DYNC2H1: variants seen among roughly 807,000 people sequenced by gnomAD.
DYNC2H1 encodes the protein dynein cytoplasmic 2 heavy chain 1, also known as cytoplasmic dynein 2 heavy chain 1.
DYNC2H1 carries 410 observed loss-of-function variants against 570.0 expected under a neutral mutation model. That is an observed-to-expected ratio of 0.72 (90% CI 0.66 to 0.78). DYNC2H1 has a LOEUF of 0.78. Ranked by LOEUF, DYNC2H1 falls within the 30% of genes least tolerant of loss-of-function variation. The probability of loss-of-function intolerance (pLI) is 0.00; values close to 1 mark genes in which losing one functional copy is unlikely to be tolerated. For missense variants in DYNC2H1, 4,865 were observed against 5,046.4 expected, an observed-to-expected ratio of 0.96 and a Z score of 1.09; for synonymous variants, 1,688 against 1,677.6, an observed-to-expected ratio of 1.01 and a Z score of -0.15.
At chr11:103,361,970 A>T (rs1184258056) in intron 83 of DYNC2H1, among the ~76,000 whole-genome samples, 2 of 152,186 alleles carry the variant, frequency 1.3e-5, no homozygotes, top group Admixed American at 6.5e-5. Flanking sequence ...AGTAAAGTTT[A>T]GGTGGAATAA....
At chr11:103,318,205 A>C (rs11225710) in intron 80 of DYNC2H1, among the ~76,000 whole-genome samples, 7,832 of 152,228 alleles carry the variant, frequency 0.051, 258 homozygotes, top group Non-Finnish European at 0.075. Flanking sequence ...AATTTCCACA[A>C]ACTGAATTCC....
At chr11:103,191,050 T>C (rs1281563959) in intron 45 of DYNC2H1, among the ~76,000 whole-genome samples, 26 of 147,682 alleles carry the variant, frequency 1.8e-4, no homozygotes, top group Admixed American at 8.8e-4. Context: ...TTTCTTTTTT[T>C]TTTTTTTGAG....
chr11:103,335,456 G>GAGAA (rs1169066972), intron 82 of DYNC2H1, among the ~76,000 whole-genome samples: 1 of 143,962 alleles, frequency 6.9e-6, no homozygotes, highest in African/African-American at 2.5e-5. Context: ...AGGAATGAAG[G>GAGAA]AGAAAAATAG....
chr11:103,175,946 C>A (rs1230845151), intron 36 of DYNC2H1, among the ~76,000 whole-genome samples: 2 of 152,152 alleles, frequency 1.3e-5, no homozygotes, highest in East Asian at 3.9e-4. Context: ...AGGTGAAGTA[C>A]TATGCAAATA....
chr11:103,337,353 G>A (rs905656628), intron 82 of DYNC2H1, among the ~76,000 whole-genome samples: 2 of 152,154 alleles, frequency 1.3e-5, no homozygotes, highest in Admixed American at 1.3e-4. Context: ...ATTTCTGTGT[G>A]TGTGTCTTTA....
At chr11:103,231,493 G>T (rs557585070) in intron 60 of DYNC2H1, 147 bp downstream of exon 60, 45 of 449,576 alleles carry the variant, frequency 1.0e-4, no homozygotes, top group Non-Finnish European at 1.6e-4. Context: ...CTTTTTAAGG[G>T]TACATTATTA....
chr11:103,467,531 GTTTTGTTTTGTTTTGTTTT>G (rs1945230410), intron 87 of DYNC2H1, among the ~76,000 whole-genome samples: 1 of 151,136 alleles, frequency 6.6e-6, no homozygotes, highest in Admixed American at 6.6e-5. Context: ...GTTTTGTTTT[GTTTTGTTTTGTTTTGTTTT>G]GTTTTGAGGC....
At chr11:103,232,395 C>T (rs1299647236) in intron 60 of DYNC2H1, among the ~76,000 whole-genome samples, 1 of 151,776 alleles carries the variant, frequency 6.6e-6, no homozygotes, top group Non-Finnish European at 1.5e-5. Flanking sequence ...TGTCTAATTC[C>T]ATAAAGTTTC....
intron 84 of DYNC2H1, among the ~76,000 whole-genome samples, chr11:103,435,720 TAAGTTC>T (rs1162979576): frequency 1.3e-5 from 2 of 152,178 alleles, no homozygotes; most frequent in Admixed American, 1.3e-4. Context: ...TATGCCAGTT[TAAGTTC>T]ATCTTGTTAT....
intron 82 of DYNC2H1, among the ~76,000 whole-genome samples, chr11:103,327,643 A>C (rs12806980): frequency 3.9e-5 from 6 of 152,298 alleles, no homozygotes; most frequent in Admixed American, 3.3e-4. Context: ...TAGAGCAGAT[A>C]CAGCCTTAGA....
Position 103,113,995 on chromosome 11 carries a change from G to A in DYNC2H1, c.367-108G>A, listed in dbSNP as rs915506622. The A allele has an allele frequency of 8.2e-5, 102 of 1,246,388 alleles. 1 individual carries two copies. Among genetic ancestry groups the A allele is most frequent in the African/African-American group, 1.5e-5 (1 of 65,362 alleles). The allele number at this position is 1,246,388 out of a possible 1,614,324, so 77.2% of individuals were successfully genotyped here. The stretch of plus-strand genomic sequence containing the variant: ...TTTTTATTCTTCTTATGAAGTGGAG[G>A]TAGTGGCAGGCTTTAAGAAAAATGG... On this transcript the variant is annotated intron_variant, in intron 2 of 88. Coordinates refer to ENST00000375735, the MANE Select transcript of DYNC2H1 (RefSeq NM_001377.3).
intron 39 of DYNC2H1, among the ~76,000 whole-genome samples, chr11:103,180,478 G>A (rs143124962): frequency 6.6e-6 from 1 of 151,758 alleles, no homozygotes; most frequent in East Asian, 1.9e-4. Flanking sequence ...AAAATTGTTG[G>A]TGAATCAGGT....
In DYNC2H1 at chr11:103,155,400, C is replaced by A; in HGVS notation, c.3643C>A (p.Arg1215Ser). Residue 1215 changes from arginine (R) to serine (S), a missense_variant, in exon 25 of 89, where the codon CGT (arginine) becomes AGT (serine). By Grantham distance (110) the Arg-to-Ser change is moderately radical. Coordinates refer to ENST00000375735, the MANE Select transcript of DYNC2H1 (RefSeq NM_001377.3). ...TCCAGATCACTGGCTTGACCTTTTT[C>A]GTCTCCTTGGACTTCCTAGGGGGAC... ...LSPDHWLDLFRLLGLPRGTSL... is the reference protein window; with the variant it reads ...LSPDHWLDLFSLLGLPRGTSL... 6.2e-7 allele frequency: 1 copy of A among 1,609,756 alleles called. No individual in the cohort carries two copies. Among genetic ancestry groups the A allele is most frequent in the South Asian group, 1.1e-5 (1 of 90,526 alleles).
chr11:103,109,553 C>G lies in DYNC2H1; in HGVS notation c.-22C>G. 6.2e-7 allele frequency: 1 copy of G among 1,609,742 alleles called. No individual in the cohort carries two copies. The highest frequency in any genetic ancestry group is 1.1e-5 in the South Asian group (1 of 90,388). On this transcript the variant is annotated 5_prime_UTR_variant, in exon 1 of 89. Coordinates refer to ENST00000375735, the MANE Select transcript of DYNC2H1 (RefSeq NM_001377.3). ...TCTTCTTCCTTCCCCCTTCCCCCAA[C>G]TTCCCTCCACCCCTTCCAATCATGG... is the stretch of plus-strand genomic sequence containing the variant.
At chr11:103,376,832 C>T (rs1227634023) in intron 83 of DYNC2H1, among the ~76,000 whole-genome samples, 6 of 152,166 alleles carry the variant, frequency 3.9e-5, no homozygotes, top group Non-Finnish European at 8.8e-5. Flanking sequence ...CTAGTAGTGA[C>T]GAATTACCTC....
At chr11:103,434,388 A>G (rs1331321953) in intron 84 of DYNC2H1, among the ~76,000 whole-genome samples, 3 of 147,876 alleles carry the variant, frequency 2.0e-5, no homozygotes, top group Non-Finnish European at 3.0e-5. Context: ...TTGAAGCCCT[A>G]TTGTTTAACA....
intron 40 of DYNC2H1, among the ~76,000 whole-genome samples, chr11:103,183,038 T>TA (rs1182556142): frequency 6.6e-6 from 1 of 151,900 alleles, no homozygotes; most frequent in Non-Finnish European, 1.5e-5. Flanking sequence ...TGTAGCAACA[T>TA]ACAGCATCTA....
intron 20 of DYNC2H1, among the ~76,000 whole-genome samples, chr11:103,150,680 A>G (rs1473691758): frequency 6.6e-6 from 1 of 152,182 alleles, no homozygotes; most frequent in Non-Finnish European, 1.5e-5. Context: ...ATTGGCTTAG[A>G]CCAACTGGTA....
chr11:103,149,807 TTGAG>T (rs961462651), intron 20 of DYNC2H1, among the ~76,000 whole-genome samples: 16 of 146,486 alleles, frequency 1.1e-4, no homozygotes, highest in Middle Eastern at 3.4e-3. Flanking sequence ...CAAAAGAGGA[TTGAG>T]AGAGAGAGAG....
Sources: gnomAD v4.1 joint callset for allele counts (sites outside exome capture counted in the v4.1 genomes callset) on GRCh38, gnomAD v4.1.1 for gene constraint, MANE v1.5 for transcripts, NCBI Gene and HGNC (gene_info 2026-07-23, HGNC 2026-07-21) for gene names.